The following CFAP206 variants were observed in gnomAD, a reference collection of about 807,000 sequenced individuals.
CFAP206 encodes cilia and flagella associated protein 206.
CFAP206 carries 53 observed loss-of-function variants against 65.4 expected under a neutral mutation model. The observed-to-expected ratio is 0.81, with a 90% CI of 0.65 to 1.02. CFAP206 has a LOEUF of 1.02. Among genes scored for constraint, CFAP206 ranks in the 50% least tolerant of loss-of-function variants. CFAP206 has a pLI of 0.00. For synonymous variants in CFAP206, 250 were observed against 254.4 expected (o/e 0.98, Z 0.17); for missense variants, 663 against 753.2 (o/e 0.88, Z 1.40).
chr6:87,448,473 A>G (rs1458136588), intron 11 of CFAP206, among the ~76,000 whole-genome samples: 3 of 152,176 alleles, frequency 2.0e-5, no homozygotes, highest in Admixed American at 6.5e-5. Context: ...TGGCATATCC[A>G]TCACCTCAAA....
At chr6:87,444,878 A>G (rs1768418038) in intron 11 of CFAP206, 2 of 549,836 alleles carry the variant, frequency 3.6e-6, no homozygotes, top group South Asian at 1.4e-5. Flanking sequence ...GTGGCCCAGA[A>G]GTCTGTGTGT....
intron 11 of CFAP206, 179 bp downstream of exon 11, chr6:87,435,232 T>A: frequency 2.2e-6 from 1 of 464,824 alleles, no homozygotes; most frequent in Non-Finnish European, 3.9e-6. Context: ...CAAAGAATAA[T>A]GAAAACAGGA....
rs151267231 is a variant in CFAP206, at chr6:87,418,806, A to T, written c.840+390A>T. 5.1e-3 allele frequency among the ~76,000 whole-genome samples: 769 copies of T among 149,488 alleles called. 6 individuals carry two copies. The highest frequency in any genetic ancestry group is 0.018 in the African/African-American group (733 of 40,510). On this transcript the variant is annotated intron_variant, in intron 7 of 12. Coordinates refer to ENST00000369562, the MANE Select transcript of CFAP206 (RefSeq NM_001031743.3). ...TTCTCACTGTAACAACTGGTACAAA[A>T]TATTTTTTTAAAGGTTTTTTGTAGG...
intron 11 of CFAP206, among the ~76,000 whole-genome samples, chr6:87,460,150 G>A (rs991117060): frequency 2.6e-5 from 4 of 152,104 alleles, no homozygotes; most frequent in Admixed American, 6.6e-5. Flanking sequence ...CCTTTTTACT[G>A]TGACCTAAGT....
chr6:87,419,382 A>C (rs16879293), intron 7 of CFAP206, among the ~76,000 whole-genome samples: 5,738 of 152,284 alleles, frequency 0.038, 133 homozygotes, highest in Middle Eastern at 0.078. Flanking sequence ...AGTAGCAGTG[A>C]CCTTTCTGTC....
rs1024703975 is a variant in CFAP206, at chr6:87,423,831, G to A, written c.841-2695G>A. Among the ~76,000 whole-genome samples the A allele has an allele frequency of 2.2e-4, 34 of 152,086 alleles. 2 individuals are homozygous for A. Among genetic ancestry groups the A allele is most frequent in the Admixed American group, 2.2e-3 (33 of 15,268 alleles). ...AGGAGTAAAGCTTAAACAGCAGTAT[G>A]GGTAAAATTAAACAGGATACACGTT... On this transcript the variant is annotated intron_variant, in intron 7 of 12. Coordinates refer to ENST00000369562, the MANE Select transcript of CFAP206 (RefSeq NM_001031743.3).
At chr6:87,442,602 A>C (rs1004455491) in intron 11 of CFAP206, among the ~76,000 whole-genome samples, 3 of 152,132 alleles carry the variant, frequency 2.0e-5, no homozygotes, top group African/African-American at 4.8e-5. Context: ...TCATAATTGC[A>C]GTGTTCATTG....
Position 87,416,688 on chromosome 6 carries a change from T to C in CFAP206, c.492T>C (p.Phe164=), listed in dbSNP as rs1228713741. 6.2e-7 allele frequency: 1 copy of C among 1,612,630 alleles called. No homozygotes were observed. Among genetic ancestry groups the C allele is most frequent in the Non-Finnish European group, 8.5e-7 (1 of 1,179,240 alleles). ...REVTAALQSV[F]PQAELGTFLT... ...TTTTAGCTGCTCTACAGAGTGTTTT[T>C]CCTCAGGCAGAGCTTGGGACATTTC... is the stretch of plus-strand genomic sequence containing the variant. Residue 164 remains phenylalanine (F), a synonymous_variant, in exon 6 of 13, where the codon TTT becomes TTC. Transcript: ENST00000369562.
chr6:87,410,517 A>G lies in CFAP206; in HGVS notation c.109-68A>G, dbSNP rs987922424. 31 of 1,135,304 alleles carry G rather than the reference A, an allele frequency of 2.7e-5. No homozygotes were observed. In the African/African-American group the frequency reaches 3.5e-4, roughly 13 times the overall value. 70.3% of individuals were successfully genotyped at this position (1,135,304 alleles called of 1,614,324 possible). ...TAAAAAATGGAAACATATTAAGCTA[A>G]TAATATGAAATAAAATTGCTTAATG... On this transcript the variant is annotated intron_variant, in intron 2 of 12. Transcript: ENST00000369562.
At chr6:87,459,825 C>T (rs991169387) in intron 11 of CFAP206, among the ~76,000 whole-genome samples, 5 of 152,248 alleles carry the variant, frequency 3.3e-5, no homozygotes, top group Admixed American at 6.5e-5. Flanking sequence ...GATAATGCCT[C>T]GTTTTCCACT....
At chr6:87,455,889 C>T (rs1421463143) in intron 11 of CFAP206, among the ~76,000 whole-genome samples, 4 of 152,110 alleles carry the variant, frequency 2.6e-5, no homozygotes, top group Non-Finnish European at 5.9e-5. Flanking sequence ...AAAGAAAAGC[C>T]AGGGACCCAG....
intron 5 of CFAP206, 110 bp downstream of exon 5, chr6:87,415,984 A>G (rs779946845): frequency 8.3e-5 from 15 of 181,722 alleles, no homozygotes; most frequent in Non-Finnish European, 1.2e-4. Flanking sequence ...TTTTTATCTG[A>G]AAAAAAAAAA....
rs1417425404 is a variant in CFAP206, at chr6:87,408,461, C to T, written c.-6+372C>T. ...GACCCGGCAGCGGCGCGCATGCGCACACAGATCCGGAGCGCGCACACAGAT... is the reference window on the plus strand; with the variant it reads ...GACCCGGCAGCGGCGCGCATGCGCATACAGATCCGGAGCGCGCACACAGAT... On this transcript the variant is annotated intron_variant, in intron 1 of 12. Transcript: ENST00000369562. 2 of 148,656 alleles carry T rather than the reference C, an allele frequency of 1.3e-5. 1 individual carries two copies. The highest frequency in any genetic ancestry group is 3.0e-5 in the Non-Finnish European group (2 of 66,782). 9.2% of individuals were successfully genotyped at this position (148,656 alleles called of 1,614,324 possible). A position where few individuals can be genotyped will look rare whatever the true frequency, so the allele number is the denominator to read the frequency against.
chr6:87,428,585 T>C (rs1253639006), intron 8 of CFAP206, 41 bp from the exon 9 acceptor site: 2 of 1,525,338 alleles, frequency 1.3e-6, no homozygotes, highest in Non-Finnish European at 1.8e-6. Flanking sequence ...TATAATTTTA[T>C]TACACAGTTG....
At chr6:87,462,537 G>C (rs1768765243) in intron 12 of CFAP206, among the ~76,000 whole-genome samples, 1 of 152,122 alleles carries the variant, frequency 6.6e-6, no homozygotes, top group African/African-American at 2.4e-5. Context: ...GTACCTCCTT[G>C]TAAGTGGTAC....
intron 8 of CFAP206, among the ~76,000 whole-genome samples, chr6:87,426,915 G>T (rs971614122): frequency 6.6e-6 from 1 of 152,100 alleles, no homozygotes; most frequent in South Asian, 2.1e-4. Context: ...AATAATCATT[G>T]TACTGTGGTT....
intron 8 of CFAP206, among the ~76,000 whole-genome samples, chr6:87,427,527 G>A (rs2127951117): frequency 6.6e-6 from 1 of 152,244 alleles, no homozygotes; most frequent in African/African-American, 2.4e-5. Flanking sequence ...AGAAACAAAA[G>A]GCTAAATTGT....
chr6:87,408,172 G>A (rs1057449367), intron 1 of CFAP206, 83 bp downstream of exon 1: 2 of 646,942 alleles, frequency 3.1e-6, no homozygotes, highest in Non-Finnish European at 3.8e-6. Flanking sequence ...GCGGAGCTCG[G>A]GCGGCTGGAG....
chr6:87,422,342 C>T (rs1201505581), intron 7 of CFAP206, among the ~76,000 whole-genome samples: 2 of 149,870 alleles, frequency 1.3e-5, no homozygotes, highest in South Asian at 2.1e-4. Context: ...CCCAGCTACT[C>T]GAGAGGCTGA....
Sources: allele counts gnomAD v4.1 joint callset (sites outside exome capture counted in the v4.1 genomes callset), GRCh38; gene constraint gnomAD v4.1.1; transcripts MANE v1.5; gene names NCBI Gene and HGNC (gene_info 2026-07-23, HGNC 2026-07-21).